The following COG5 variants were observed in gnomAD, a reference collection of about 807,000 sequenced individuals.
The protein encoded by COG5 is component of oligomeric golgi complex 5.
COG5 carries 86 observed loss-of-function variants against 110.4 expected under a neutral mutation model. The ratio of observed to expected loss-of-function variants is 0.78; its 90% CI spans 0.65 to 0.93. The LOEUF (loss-of-function observed/expected upper bound fraction) is 0.93. Ranked by LOEUF, COG5 falls within the 40% of genes least tolerant of loss-of-function variation. The pLI, the probability that COG5 is intolerant of heterozygous loss-of-function variation, is 0.00. For missense variants in COG5, 1,077 were observed against 987.0 expected (o/e 1.09, Z -1.22); for synonymous variants, 360 against 334.6 (o/e 1.08, Z -0.83).
intron 6 of COG5, among the ~76,000 whole-genome samples, chr7:107,478,458 A>G (rs1797119059): frequency 6.6e-6 from 1 of 151,972 alleles, no homozygotes; most frequent in African/African-American, 2.4e-5. Context: ...GTCAGTTAGC[A>G]TGGTCAACTC....
chr7:107,541,733 C>G (rs565576455), intron 5 of COG5, among the ~76,000 whole-genome samples: 2 of 150,720 alleles, frequency 1.3e-5, no homozygotes, highest in South Asian at 2.1e-4. Flanking sequence ...AAGTTCGAGA[C>G]CAGCCTGGCC....
At chr7:107,445,294 C>G (rs897099283) in intron 6 of COG5, among the ~76,000 whole-genome samples, 1 of 152,136 alleles carries the variant, frequency 6.6e-6, no homozygotes, top group African/African-American at 2.4e-5. Context: ...TACTTAAAAC[C>G]ATACACATTT....
At chr7:107,563,751 G>A (rs1804206101) in intron 1 of COG5, 52 bp downstream of exon 1, 3 of 1,593,364 alleles carry the variant, frequency 1.9e-6, no homozygotes, top group Non-Finnish European at 2.6e-6. Flanking sequence ...GTCCAGGTGC[G>A]GAGCAGCGCA....
chr7:107,221,410 C>T (rs966332288), intron 19 of COG5, among the ~76,000 whole-genome samples: 3 of 152,006 alleles, frequency 2.0e-5, no homozygotes, highest in Non-Finnish European at 4.4e-5. Context: ...TAGTACTTCC[C>T]GTATGAAGCT....
chr7:107,318,112 C>T (rs1562966040), intron 11 of COG5, among the ~76,000 whole-genome samples: 1 of 152,096 alleles, frequency 6.6e-6, no homozygotes, highest in Non-Finnish European at 1.5e-5. Context: ...ACTGCAACCT[C>T]CACCTTCCAG....
intron 10 of COG5, among the ~76,000 whole-genome samples, chr7:107,359,495 G>C (rs529924462): frequency 1.3e-5 from 2 of 152,224 alleles, no homozygotes; most frequent in Non-Finnish European, 2.9e-5. Context: ...AAGGCTCCTG[G>C]GCAGAAATGG....
At chr7:107,284,228 T>G (rs1463027597) in intron 12 of COG5, among the ~76,000 whole-genome samples, 1 of 152,172 alleles carries the variant, frequency 6.6e-6, no homozygotes, top group African/African-American at 2.4e-5. Context: ...CCGGCCTATA[T>G]TAACATTTTA....
At chr7:107,223,004 A>C (rs1417757652) in intron 19 of COG5, among the ~76,000 whole-genome samples, 3 of 152,194 alleles carry the variant, frequency 2.0e-5, no homozygotes, top group African/African-American at 4.8e-5. Flanking sequence ...AAGTAAGGCA[A>C]AAATCCTGCT....
chr7:107,433,155 T>C (rs1794140526), intron 6 of COG5, among the ~76,000 whole-genome samples: 1 of 152,172 alleles, frequency 6.6e-6, no homozygotes, highest in African/African-American at 2.4e-5. Flanking sequence ...ACATGTATTC[T>C]GAACACTACA....
At chr7:107,541,394 G>T (rs1210372339) in intron 5 of COG5, among the ~76,000 whole-genome samples, 3 of 148,350 alleles carry the variant, frequency 2.0e-5, no homozygotes, top group African/African-American at 7.5e-5. Flanking sequence ...CTACTCAGGA[G>T]GCTGAGATGG....
chr7:107,339,752 A>G (rs894338130), intron 10 of COG5, among the ~76,000 whole-genome samples: 1 of 152,152 alleles, frequency 6.6e-6, no homozygotes, highest in Non-Finnish European at 1.5e-5. Flanking sequence ...AAATTAAACA[A>G]CATGTCTCTG....
chr7:107,500,340 G>A (rs1034945049), intron 6 of COG5, among the ~76,000 whole-genome samples: 1 of 152,184 alleles, frequency 6.6e-6, no homozygotes, highest in Non-Finnish European at 1.5e-5. Context: ...CAGAGCCCTA[G>A]ACCATGCAAT....
intron 7 of COG5, among the ~76,000 whole-genome samples, chr7:107,407,274 C>T (rs181550910): frequency 2.2e-3 from 336 of 152,084 alleles, no homozygotes; most frequent in Non-Finnish European, 3.6e-3. Flanking sequence ...CCCAGCTACT[C>T]GGGGGGCTGA....
chr7:107,329,531 AGTAAATC>A (rs1170281397), intron 10 of COG5, among the ~76,000 whole-genome samples: 1 of 152,138 alleles, frequency 6.6e-6, no homozygotes, highest in Non-Finnish European at 1.5e-5. Flanking sequence ...ACTATATAAT[AGTAAATC>A]TATATCTCCT....
chr7:107,454,084 G>C (rs977798414), intron 6 of COG5, among the ~76,000 whole-genome samples: 2 of 151,902 alleles, frequency 1.3e-5, no homozygotes, highest in African/African-American at 4.8e-5. Flanking sequence ...TATGACAAAA[G>C]CAAGCAATTA....
intron 14 of COG5, among the ~76,000 whole-genome samples, 195 bp downstream of exon 14, chr7:107,281,105 A>C (rs1427028905): frequency 6.6e-6 from 1 of 152,062 alleles, no homozygotes; most frequent in Non-Finnish European, 1.5e-5. Flanking sequence ...GTGTATTGAC[A>C]ATGTGTAGGA....
chr7:107,449,241 T>C (rs1563041685), intron 6 of COG5, among the ~76,000 whole-genome samples: 1 of 152,156 alleles, frequency 6.6e-6, no homozygotes, highest in Non-Finnish European at 1.5e-5. Context: ...ACTTAAAACC[T>C]AGATGATGGG....
intron 7 of COG5, among the ~76,000 whole-genome samples, chr7:107,386,738 G>A (rs1294969019): frequency 2.0e-5 from 3 of 152,146 alleles, no homozygotes; most frequent in Admixed American, 2.0e-4. Flanking sequence ...CTGGAAAAAG[G>A]CATGCTAGAC....
Position 107,503,859 on chromosome 7 carries a change from C to G in COG5, c.538+23378G>C, listed in dbSNP as rs146101945. ...ATTGACTTTGTAACCTGAGACTTTA[C>G]TTGTTTATCAAATCTAGGAGTCTTC... On this transcript the variant is annotated intron_variant, in intron 6 of 21. Transcript: ENST00000297135. Among the ~76,000 whole-genome samples the G allele has an allele frequency of 2.0e-3, 298 of 152,266 alleles. 2 individuals are homozygous for G. In the East Asian group the frequency reaches 0.023, roughly 12 times the overall value.
Sources: gnomAD v4.1 joint callset for allele counts (sites outside exome capture counted in the v4.1 genomes callset) on GRCh38, gnomAD v4.1.1 for gene constraint, MANE v1.5 for transcripts, NCBI Gene and HGNC (gene_info 2026-07-23, HGNC 2026-07-21) for gene names.